DCAF5: variants seen among roughly 807,000 people sequenced by gnomAD.
The protein encoded by DCAF5 is DDB1- and CUL4-associated factor 5.
Under a neutral mutation model 80.7 loss-of-function variants are expected in DCAF5, and 9 were observed. That is an observed-to-expected ratio of 0.11 (90% CI 0.07 to 0.19). DCAF5 has a LOEUF of 0.19. DCAF5 is among the 10% of genes least tolerant of loss of function. DCAF5 has a pLI of 1.00. For synonymous variants in DCAF5, 433 were observed against 461.9 expected, an observed-to-expected ratio of 0.94 and a Z score of 0.80; for missense variants, 842 against 1,205.7, an observed-to-expected ratio of 0.70 and a Z score of 4.47.
chr14:69,091,610 GTA>G, intron 6 of DCAF5, 62 bp downstream of exon 6: 1 of 1,424,290 alleles, frequency 7.0e-7, no homozygotes, highest in South Asian at 1.2e-5. Context: ...ATAAAGACCA[GTA>G]TAGAAAGAAC....
intron 1 of DCAF5, among the ~76,000 whole-genome samples, chr14:69,138,000 C>T (rs866237300): frequency 1.1e-4 from 17 of 152,072 alleles, no homozygotes; most frequent in African/African-American, 4.1e-4. Context: ...GGGCTTGAAA[C>T]TCATCCCCCA....
In DCAF5 at chr14:69,152,447, A is replaced by C; in HGVS notation, c.214+318T>G. The C allele has an allele frequency of 3.7e-6, 1 of 268,028 alleles. No homozygotes were observed. The highest frequency in any genetic ancestry group is 7.1e-6 in the Non-Finnish European group (1 of 140,356). The allele number at this position is 268,028 out of a possible 1,614,324, so 16.6% of individuals were successfully genotyped here. On this transcript the variant is annotated intron_variant, in intron 1 of 8. Coordinates refer to ENST00000341516, the MANE Select transcript of DCAF5 (RefSeq NM_003861.3). The surrounding 1 kb of genome is among the most constrained non-coding windows in gnomAD (Gnocchi z 4.1). ...GTACGCGGAGGAAGAGTTTGCCGTC[A>C]AACTTTGTAGAGCGGTAACCTCGCC...
chr14:69,109,511 C>A (rs539554337), intron 5 of DCAF5, among the ~76,000 whole-genome samples: 20 of 152,202 alleles, frequency 1.3e-4, no homozygotes, highest in African/African-American at 4.3e-4. Context: ...CCAGAGGTAA[C>A]CACTATTCTG....
chr14:69,140,601 C>A (rs1212091986), intron 1 of DCAF5, among the ~76,000 whole-genome samples: 4 of 152,010 alleles, frequency 2.6e-5, no homozygotes, highest in Non-Finnish European at 5.9e-5. Context: ...AAAATCAACT[C>A]TACAAAGAAC....
At chr14:69,084,423 A>C in intron 6 of DCAF5, 1 of 893,390 alleles carries the variant, frequency 1.1e-6, no homozygotes, top group Admixed American at 1.7e-5. Context: ...GAATTAAAAC[A>C]AATTATTAAA....
intron 6 of DCAF5, among the ~76,000 whole-genome samples, chr14:69,082,582 A>G (rs995991063): frequency 1.3e-5 from 2 of 152,196 alleles, no homozygotes; most frequent in African/African-American, 2.4e-5. Flanking sequence ...TTACTTAAAG[A>G]TGAATCTTTA....
rs1388655682 is a variant in DCAF5, at chr14:69,054,422, G to A, written c.2264C>T (p.Ala755Val). ...PGHEHSSHAW[A>V]EVPEGTSQDT... Reference sequence around the variant, plus strand: ...CTGAGAGGTACCCTCTGGCACCTCTGCCCAAGCATGGCTGCTGTGCTCATG... The same window carrying A: ...CTGAGAGGTACCCTCTGGCACCTCTACCCAAGCATGGCTGCTGTGCTCATG... Residue 755 changes from alanine to valine, a missense_variant, in exon 9 of 9, where the codon GCA (alanine) becomes GTA (valine). Ala to Val is a moderately conservative substitution (Grantham distance 64, BLOSUM62 0). Coordinates refer to ENST00000341516, the MANE Select transcript of DCAF5 (RefSeq NM_003861.3). 3.7e-6 allele frequency: 6 copies of A among 1,613,918 alleles called. No individual in the cohort carries two copies. The highest frequency in any genetic ancestry group is 5.1e-6 in the Non-Finnish European group (6 of 1,180,052).
intron 1 of DCAF5, among the ~76,000 whole-genome samples, chr14:69,147,122 C>G (rs2041562225): frequency 6.6e-6 from 1 of 152,124 alleles, no homozygotes; most frequent in African/African-American, 2.4e-5. Context: ...AGGAAATGAC[C>G]ATTAATTAAT....
chr14:69,143,041 A>G (rs913403345), intron 1 of DCAF5, among the ~76,000 whole-genome samples: 2 of 152,170 alleles, frequency 1.3e-5, no homozygotes, highest in Non-Finnish European at 2.9e-5. Context: ...AACTGCAAAC[A>G]TCAGAATCTA....
chr14:69,058,920 G>A (rs1197904208), intron 8 of DCAF5, among the ~76,000 whole-genome samples: 10 of 150,610 alleles, frequency 6.6e-5, no homozygotes, highest in African/African-American at 2.4e-4. Flanking sequence ...AAGAAAGGAA[G>A]AAGTGAAGAG....
chr14:69,126,530 T>C (rs2040880216), intron 1 of DCAF5, among the ~76,000 whole-genome samples: 1 of 152,172 alleles, frequency 6.6e-6, no homozygotes. Context: ...ACTCAAATTC[T>C]CAGCAAATTC....
intron 1 of DCAF5, among the ~76,000 whole-genome samples, chr14:69,125,314 C>T (rs1286638513): frequency 2.6e-5 from 4 of 152,150 alleles, no homozygotes; most frequent in Admixed American, 2.6e-4. Flanking sequence ...GACTTAACTC[C>T]AGCAAACTGG....
chr14:69,110,844 T>C (rs2040337300), intron 5 of DCAF5, among the ~76,000 whole-genome samples: 2 of 116,138 alleles, frequency 1.7e-5, no homozygotes. Flanking sequence ...GCCACTGCAC[T>C]CCAGCCTGGG....
intron 1 of DCAF5, among the ~76,000 whole-genome samples, chr14:69,133,114 T>C (rs570725841): frequency 1.3e-5 from 2 of 152,342 alleles, no homozygotes; most frequent in South Asian, 4.1e-4. Context: ...AAGGGTCTTA[T>C]ATGTAGTGGC....
intron 6 of DCAF5, chr14:69,084,422 C>A: frequency 1.1e-6 from 1 of 893,866 alleles, no homozygotes; most frequent in Non-Finnish European, 1.9e-6. Context: ...GGAATTAAAA[C>A]AAATTATTAA....
At chr14:69,079,333 T>C (rs1263129833) in intron 6 of DCAF5, among the ~76,000 whole-genome samples, 1 of 152,180 alleles carries the variant, frequency 6.6e-6, no homozygotes, top group Non-Finnish European at 1.5e-5. Flanking sequence ...TGACAGCTCC[T>C]AAAATATGCA....
Position 69,082,106 on chromosome 14 carries a change from G to A in DCAF5, c.880-6695C>T, listed in dbSNP as rs189771831. On this transcript the variant is annotated intron_variant, in intron 6 of 8. Transcript: ENST00000341516. ...AAAACAATGTGATTGAAAACTTTGT[G>A]ATATGCTCTCTAGATGACTATTTCC... 4.3e-4 allele frequency among the ~76,000 whole-genome samples: 65 copies of A among 152,318 alleles called. 1 individual carries two copies. In the East Asian group the frequency reaches 6.6e-3, roughly 15 times the overall value.
intron 5 of DCAF5, among the ~76,000 whole-genome samples, chr14:69,103,664 C>T (rs549063881): frequency 4.3e-4 from 65 of 152,304 alleles, no homozygotes; most frequent in South Asian, 2.9e-3. Flanking sequence ...TATGGAAACT[C>T]GCTTGTATAG....
intron 6 of DCAF5, chr14:69,084,681 G>A: frequency 1.6e-6 from 2 of 1,253,818 alleles, no homozygotes; most frequent in South Asian, 2.6e-5. Context: ...TTTTCATCTT[G>A]TATGTCCGTG....
Sources: allele counts gnomAD v4.1 joint callset (sites outside exome capture counted in the v4.1 genomes callset), GRCh38; gene constraint gnomAD v4.1.1; non-coding constraint Gnocchi (gnomAD v3.1); transcripts MANE v1.5; gene names NCBI Gene and HGNC (gene_info 2026-07-23, HGNC 2026-07-21).